PCDHGA10: variants seen among roughly 807,000 people sequenced by gnomAD.
The protein encoded by PCDHGA10 is protocadherin gamma subfamily A, 10.
In PCDHGA10, 42 loss-of-function variants were observed where a neutral mutation model predicts 59.5. That is an observed-to-expected ratio of 0.71 (90% CI 0.55 to 0.91). PCDHGA10 has a LOEUF of 0.91. PCDHGA10 is among the 40% of genes least tolerant of loss of function. The pLI is 0.00. For synonymous variants in PCDHGA10, 511 were observed against 517.2 expected (o/e 0.99, Z 0.16); for missense variants, 1,111 against 1,198.2 (o/e 0.93, Z 1.07).
At chr5:141,464,923 A>G (rs544281066) in intron 1 of PCDHGA10, among the ~76,000 whole-genome samples, 3 of 151,406 alleles carry the variant, frequency 2.0e-5, no homozygotes, top group Non-Finnish European at 4.4e-5. Flanking sequence ...ATTTTTTTGT[A>G]GAGATGTGAG....
In PCDHGA10 at chr5:141,477,101, G is replaced by A. The variant is rs770640663; in HGVS notation, c.2437-17706G>A. On this transcript the variant is annotated intron_variant, in intron 1 of 3. Transcript: ENST00000398610. The surrounding 1 kb of genome is among the most constrained non-coding windows in gnomAD (Gnocchi z 4.9). ...TTACATCCAGGCCAAAGACAAGGGC[G>A]CCAATCCCGAAGGAGCACATTGCAA... 2 of 1,614,262 alleles carry A rather than the reference G, an allele frequency of 1.2e-6. No individual in the cohort carries two copies. Among genetic ancestry groups the A allele is most frequent in the East Asian group, 2.2e-5 (1 of 44,884 alleles).
In PCDHGA10 at chr5:141,476,836, T is replaced by C. The variant is rs772607917; in HGVS notation, c.2437-17971T>C. On this transcript the variant is annotated intron_variant, in intron 1 of 3. Coordinates refer to ENST00000398610, the MANE Select transcript of PCDHGA10 (RefSeq NM_018913.3). The surrounding 1 kb of genome is among the most constrained non-coding windows in gnomAD (Gnocchi z 7.6). ...TCAAGGTGCTGGACGCGAATGACAATGCGCCTGTCTTCAACCAGTCCTTGT... is the reference window on the plus strand; with the variant it reads ...TCAAGGTGCTGGACGCGAATGACAACGCGCCTGTCTTCAACCAGTCCTTGT... 1.9e-6 allele frequency: 3 copies of C among 1,613,652 alleles called. 1 individual carries two copies. The highest frequency in any genetic ancestry group is 2.2e-5 in the East Asian group (1 of 44,852).
At chr5:141,415,747 T>G (rs774746065) in intron 1 of PCDHGA10, 136 bp downstream of exon 1, 22 of 797,580 alleles carry the variant, frequency 2.8e-5, no homozygotes, top group Middle Eastern at 5.1e-4. Context: ...AAGGTTTTTT[T>G]TTTTTTTTTT....
chr5:141,434,964 T>C (rs2154556462), intron 1 of PCDHGA10, among the ~76,000 whole-genome samples: 1 of 152,004 alleles, frequency 6.6e-6, no homozygotes, highest in East Asian at 1.9e-4. Context: ...ATTTATAAAA[T>C]TACTTTGTTA....
In PCDHGA10 at chr5:141,428,425, T is replaced by A. The variant is rs1193842204; in HGVS notation, c.2436+12814T>A. ...GGGTTGCTTTCACCCTGGTCTCTGT[T>A]CTAAGACTAGACCAGGGGTTTTTCC... On this transcript the variant is annotated intron_variant, in intron 1 of 3. Transcript: ENST00000398610. 4 of 436,598 alleles carry A rather than the reference T, an allele frequency of 9.2e-6. No homozygotes were observed. In the East Asian group the frequency reaches 1.9e-4, roughly 21 times the overall value. 27.0% of individuals were successfully genotyped at this position (436,598 alleles called of 1,614,324 possible). A position where few individuals can be genotyped will look rare whatever the true frequency, so the allele number is the denominator to read the frequency against.
At chr5:141,440,912 G>A (rs1281398967) in intron 1 of PCDHGA10, 1 of 152,254 alleles carries the variant, frequency 6.6e-6, no homozygotes, top group African/African-American at 2.4e-5. Context: ...GGGCACTCCT[G>A]TGCTGAGAGT....
chr5:141,485,826 G>A lies in PCDHGA10; in HGVS notation c.2437-8981G>A. The A allele has an allele frequency of 6.2e-7, 1 of 1,614,070 alleles. No individual in the cohort carries two copies. Among genetic ancestry groups the A allele is most frequent in the South Asian group, 1.1e-5 (1 of 91,078 alleles). Reference sequence around the variant, plus strand: ...CTGGTGCTGACTGCTGTCGATGGAGGGAACCCGCCGAGATCTGGCACCGCA... The same window carrying A: ...CTGGTGCTGACTGCTGTCGATGGAGAGAACCCGCCGAGATCTGGCACCGCA... On this transcript the variant is annotated intron_variant, in intron 1 of 3. Transcript: ENST00000398610. The surrounding 1 kb of genome is among the most constrained non-coding windows in gnomAD (Gnocchi z 5.7).
intron 1 of PCDHGA10, among the ~76,000 whole-genome samples, chr5:141,473,948 A>ACC (rs2099333859): frequency 1.3e-5 from 2 of 152,182 alleles, no homozygotes; most frequent in Non-Finnish European, 2.9e-5. Context: ...TCAGGCCTGT[A>ACC]GTCCCATCTA....
At position 141,413,812 on chromosome 5, in the gene PCDHGA10, C is replaced by T; in HGVS notation, c.637C>T (p.His213Tyr). ...AGATCGCGAGGAAGAGGCCATTCAC[C>T]ACCTGGTCCTCACCGCCTCCGACGG... ...SLDREEEAIHHLVLTASDGGD... is the reference protein window; with the variant it reads ...SLDREEEAIHYLVLTASDGGD... Residue 213 changes from histidine (H) to tyrosine (Y), a missense_variant, in exon 1 of 4, where the codon CAC becomes TAC. Physicochemically the swap from His to Tyr is moderately conservative, Grantham distance 83. Transcript: ENST00000398610. 1.2e-6 allele frequency: 2 copies of T among 1,613,144 alleles called. No homozygotes were observed. Among genetic ancestry groups the T allele is most frequent in the Non-Finnish European group, 1.7e-6 (2 of 1,179,878 alleles).
chr5:141,474,499 C>T (rs1480109147), intron 1 of PCDHGA10, among the ~76,000 whole-genome samples: 1 of 152,198 alleles, frequency 6.6e-6, no homozygotes, highest in Non-Finnish European at 1.5e-5. Context: ...TCTTCTAATG[C>T]CTATCAGCCC....
intron 1 of PCDHGA10, among the ~76,000 whole-genome samples, chr5:141,438,454 T>C (rs2097961593): frequency 6.6e-6 from 1 of 151,734 alleles, no homozygotes; most frequent in Admixed American, 6.6e-5. Flanking sequence ...AATACAATGC[T>C]TGAGTTCAAT....
Position 141,414,381 on chromosome 5 carries a change from T to A in PCDHGA10, c.1206T>A (p.Ile402=). 1 of 1,613,866 alleles carries A rather than the reference T, an allele frequency of 6.2e-7. No individual in the cohort carries two copies. ...AYLPFKLEKS[I]DSYYRLVIHR... ...TACCATTTAAATTAGAAAAGTCCAT[T>A]GACAGTTATTACAGATTGGTGATAC... The change falls in exon 1 of 4, where the codon ATT becomes ATA. Residue 402 remains isoleucine (I), a synonymous_variant. Transcript: ENST00000398610.
At chr5:141,416,717 A>G (rs1227713508) in intron 1 of PCDHGA10, 1 of 152,256 alleles carries the variant, frequency 6.6e-6, no homozygotes, top group Admixed American at 6.5e-5. Flanking sequence ...GGTACTGATG[A>G]GTTCATTTAG....
At chr5:141,433,261 A>G (rs761584659) in intron 1 of PCDHGA10, 4 of 1,344,710 alleles carry the variant, frequency 3.0e-6, no homozygotes, top group Non-Finnish European at 4.1e-6. Context: ...CGGTACGATC[A>G]TAGCTCACTG....
At chr5:141,419,663 G>T (rs1459319505) in intron 1 of PCDHGA10, 1 of 1,612,710 alleles carries the variant, frequency 6.2e-7, no homozygotes, top group Non-Finnish European at 8.5e-7. Flanking sequence ...GGGGCACAAT[G>T]CCTGGCTGTC....
rs1421124374 is a variant in PCDHGA10, at chr5:141,431,186, A to G, written c.2436+15575A>G. The G allele has an allele frequency of 1.9e-6, 3 of 1,614,110 alleles. No individual in the cohort carries two copies. ...TGAAAGTGAATTAGAAATAAAAATT[A>G]GTGAAAATGCAGCCACTGAGATGCG... On this transcript the variant is annotated intron_variant, in intron 1 of 3. Transcript: ENST00000398610. This position sits in a 1 kb window ranked among gnomAD's most constrained non-coding sequence, Gnocchi z 4.8.
In PCDHGA10 at chr5:141,493,164, T is replaced by C. The variant is rs558860783; in HGVS notation, c.2437-1643T>C. Among the ~76,000 whole-genome samples the C allele has an allele frequency of 4.6e-5, 7 of 152,340 alleles. 1 individual carries two copies. The South Asian group carries it at 1.2e-3, about 27-fold the overall frequency. On this transcript the variant is annotated intron_variant, in intron 1 of 3. Coordinates refer to ENST00000398610, the MANE Select transcript of PCDHGA10 (RefSeq NM_018913.3). The surrounding 1 kb of genome is among the most constrained non-coding windows in gnomAD (Gnocchi z 4.3). Reference sequence around the variant, plus strand: ...ACCCCCAGGTGATTTTGATAGCTGATTGAGAGAAACTTACTATATAACTCC... The same window carrying C: ...ACCCCCAGGTGATTTTGATAGCTGACTGAGAGAAACTTACTATATAACTCC...
intron 1 of PCDHGA10, chr5:141,430,643 T>C (rs1432236231): frequency 2.1e-6 from 2 of 947,068 alleles, no homozygotes; most frequent in Non-Finnish European, 3.0e-6. Context: ...CCTGGGAGTA[T>C]GTGGAAACAA....
intron 3 of PCDHGA10, among the ~76,000 whole-genome samples, chr5:141,505,989 T>C (rs1275642739): frequency 6.6e-6 from 1 of 152,136 alleles, no homozygotes; most frequent in Non-Finnish European, 1.5e-5. Context: ...ACACCTCCTC[T>C]TTATGCGAGG....
Sources: gnomAD v4.1 joint callset for allele counts (sites outside exome capture counted in the v4.1 genomes callset) on GRCh38, gnomAD v4.1.1 for gene constraint, Gnocchi (gnomAD v3.1) non-coding constraint, MANE v1.5 for transcripts, NCBI Gene and HGNC (gene_info 2026-07-23, HGNC 2026-07-21) for gene names.